Variants in ZAN observed in about 807,000 individuals in gnomAD.
The protein encoded by ZAN is zonadhesin (gene/pseudogene).
In ZAN, 260 loss-of-function variants were observed where a neutral mutation model predicts 286.2. That is an observed-to-expected ratio of 0.91 (90% CI 0.82 to 1.01). The LOEUF is 1.01. Ranked by LOEUF, ZAN falls within the 50% of genes least tolerant of loss-of-function variation. ZAN has a pLI of 0.00. For missense variants in ZAN, 3,410 were observed against 3,639.2 expected (o/e 0.94, Z 1.62); for synonymous variants, 1,368 against 1,417.5 (o/e 0.97, Z 0.79).
chr7:100,737,459 C>T, intron 6 of ZAN, 110 bp downstream of exon 6: 1 of 784,154 alleles, frequency 1.3e-6, no homozygotes, highest in South Asian at 2.0e-5. Flanking sequence ...GTAATCCCAG[C>T]ACTTTGGGAG....
chr7:100,757,017 C>T (rs1190816015), intron 15 of ZAN, among the ~76,000 whole-genome samples: 1 of 152,248 alleles, frequency 6.6e-6, no homozygotes, highest in Non-Finnish European at 1.5e-5. Context: ...ATCCGCCCGC[C>T]TCAGCCTTCC....
At chr7:100,751,091 C>T in intron 12 of ZAN, 91 bp from the exon 13 acceptor site, 1 of 1,346,496 alleles carries the variant, frequency 7.4e-7, no homozygotes, top group Non-Finnish European at 1.0e-6. Flanking sequence ...GACATTTTGG[C>T]AGAGAACAGA....
At chr7:100,762,403 C>T (rs1172582687) in intron 20 of ZAN, 45 bp downstream of exon 20, 23 of 1,524,866 alleles carry the variant, frequency 1.5e-5, no homozygotes, top group Non-Finnish European at 1.6e-5. Context: ...AGGTTCCGTC[C>T]CCTTCCTGGA....
intron 42 of ZAN, among the ~76,000 whole-genome samples, chr7:100,792,837 C>A (rs77243308): frequency 2.6e-5 from 4 of 151,646 alleles, no homozygotes; most frequent in African/African-American, 9.7e-5. Flanking sequence ...ATGGGCTGGG[C>A]GTGGTGGTTC....
At position 100,793,907 on chromosome 7, in the gene ZAN, G is replaced by A. The variant is rs372442293; in HGVS notation, c.7875G>A (p.Leu2625=). 3.1e-6 allele frequency: 5 copies of A among 1,613,848 alleles called. No homozygotes were observed. The African/African-American group carries it at 5.3e-5, about 17-fold the overall frequency. The change falls in exon 43 of 48, where the codon CTG becomes CTA. Residue 2625 remains leucine, a synonymous_variant. Transcript: ENST00000613979. The part of the protein sequence containing the change: ...ILCQPGRPRG[L]RGPLRGRLRQ... ...GCCAACCTGGCAGACCCCGGGGACT[G>A]CGAGGGCCCCTGCGTGGAAGGCTGC...
At chr7:100,787,434 A>C (rs1292518351) in intron 37 of ZAN, among the ~76,000 whole-genome samples, 2 of 152,188 alleles carry the variant, frequency 1.3e-5, no homozygotes, top group East Asian at 3.9e-4. Context: ...GAAAAAGAAA[A>C]TTAAAAAAAG....
rs1040895280 is a variant in ZAN at position 100,751,944 on chromosome 7, C to G, written c.1839C>G (p.Asn613Lys). ...EKPTIPSEKP[N>K]MPSEKPTIPS... ...CCACCATTCCTTCAGAAAAACCCAA[C>G]ATGCCCTCAGAAAAACCCACCATTC... The change falls in exon 14 of 48, where the codon AAC (asparagine) becomes AAG (lysine). Residue 613 changes from asparagine (N) to lysine (K), a missense_variant. Physicochemically the swap from Asn to Lys is moderately conservative, Grantham distance 94. Coordinates refer to ENST00000613979, the MANE Select transcript of ZAN (RefSeq NM_003386.3). The G allele has an allele frequency of 1.2e-6, 2 of 1,613,096 alleles. No homozygotes were observed. Among genetic ancestry groups the G allele is most frequent in the Non-Finnish European group, 1.7e-6 (2 of 1,179,632 alleles).
rs150416536 is a variant in ZAN, at chr7:100,767,725, G to A, written c.4861-106G>A. 1.5e-4 allele frequency: 190 copies of A among 1,283,336 alleles called. No individual in the cohort carries two copies. In the African/African-American group the frequency reaches 2.3e-3, roughly 16 times the overall value. 79.5% of individuals were successfully genotyped at this position (1,283,336 alleles called of 1,614,324 possible). The stretch of plus-strand genomic sequence containing the variant: ...AGATCCTGGGCTCAAGCGATCCTCC[G>A]CCTCGGCCTCCCAAAGTGCTGGGTT... On this transcript the variant is annotated intron_variant, in intron 25 of 47. Transcript: ENST00000613979.
At position 100,766,657 on chromosome 7, in the gene ZAN, C is replaced by T. The variant is rs1359756112; in HGVS notation, c.4603C>T (p.His1535Tyr). ...CGQQDGIYGCHAQGAATCTAS... is the reference protein window; with the variant it reads ...CGQQDGIYGCYAQGAATCTAS... The stretch of plus-strand genomic sequence containing the variant: ...CCAACAGGATGGTATCTATGGCTGC[C>T]ATGCCCAAGGTGAGCCATCAGGGTG... The change falls in exon 24 of 48, where the codon CAT becomes TAT. Residue 1535 changes from histidine (H) to tyrosine (Y), a missense_variant. Transcript: ENST00000613979. 4 of 1,568,048 alleles carry T rather than the reference C, an allele frequency of 2.6e-6. No individual in the cohort carries two copies. The highest frequency in any genetic ancestry group is 1.4e-5 in the African/African-American group (1 of 73,972).
chr7:100,773,916 C>T (rs1584607134), intron 31 of ZAN, 51 bp downstream of exon 31: 1 of 1,555,530 alleles, frequency 6.4e-7, no homozygotes, highest in Non-Finnish European at 8.7e-7. Context: ...GGCCCACTCT[C>T]CCAACTCCCC....
At position 100,767,158 on chromosome 7, in the gene ZAN, C is replaced by T. The variant is rs747744005; in HGVS notation, c.4761C>T (p.Asn1587=). The change falls in exon 25 of 48, where the codon AAC becomes AAT. Residue 1587 remains asparagine (N), a synonymous_variant. Transcript: ENST00000613979. ...QDSYFVVSAT[N]ENRGGILEVS... is the part of the protein sequence containing the mutation. ...GCTATTTTGTTGTGAGCGCCACCAA[C>T]GAGAACCGCGGGGGGATCCTGGAGG... The T allele has an allele frequency of 9.3e-6, 15 of 1,613,766 alleles. No homozygotes were observed. The highest frequency in any genetic ancestry group is 5.5e-5 in the South Asian group (5 of 91,076).
Position 100,784,833 on chromosome 7 carries a change from C to T in ZAN, c.6833C>T (p.Pro2278Leu), listed in dbSNP as rs1036502189. Residue 2278 changes from proline to leucine, a missense_variant and splice_region_variant, in exon 36 of 48, where the codon CCT becomes CTT. By Grantham distance (98) the Pro-to-Leu change is moderately conservative. Coordinates refer to ENST00000613979, the MANE Select transcript of ZAN (RefSeq NM_003386.3). ...GCKDAHGGSI[P>L]LGKSWVSSGC... is the part of the protein sequence containing the mutation. Reference sequence around the variant, plus strand: ...AAGGATGCCCATGGTGGCTCCATCCCTGTGAGTGGGCATGGGAAATGGGAC... The same window carrying T: ...AAGGATGCCCATGGTGGCTCCATCCTTGTGAGTGGGCATGGGAAATGGGAC... 4 of 1,588,476 alleles carry T rather than the reference C, an allele frequency of 2.5e-6. No homozygotes were observed. Among genetic ancestry groups the T allele is most frequent in the Non-Finnish European group, 3.4e-6 (4 of 1,164,806 alleles).
Position 100,751,282 on chromosome 7 carries a change from A to C in ZAN, c.1606+16A>C. 1 of 1,546,014 alleles carries C rather than the reference A, an allele frequency of 6.5e-7. No individual in the cohort carries two copies. Among genetic ancestry groups the C allele is most frequent in the Non-Finnish European group, 8.7e-7 (1 of 1,145,534 alleles). ...ACTTGTCCAGGTAAGACCAAAGCCCAGGCTCCAGGAAGGGGGCGGTGCCCT... is the reference window on the plus strand; with the variant it reads ...ACTTGTCCAGGTAAGACCAAAGCCCCGGCTCCAGGAAGGGGGCGGTGCCCT... On this transcript the variant is annotated intron_variant, in intron 13 of 47. Coordinates refer to ENST00000613979, the MANE Select transcript of ZAN (RefSeq NM_003386.3).
rs372868421 is a variant in ZAN, at chr7:100,762,234, T to A, written c.3862T>A (p.Cys1288Ser). The A allele has an allele frequency of 1.2e-6, 2 of 1,613,090 alleles. No homozygotes were observed. Among genetic ancestry groups the A allele is most frequent in the Non-Finnish European group, 8.5e-7 (1 of 1,179,562 alleles). Residue 1288 changes from cysteine to serine, a missense_variant, in exon 20 of 48, where the codon TGT (cysteine) becomes AGT (serine). By Grantham distance (112) the Cys-to-Ser change is moderately radical. This residue lies in a region of ZAN where 1,042 missense variants were observed against 1,058.0 expected (regional missense o/e 0.98). Coordinates refer to ENST00000613979, the MANE Select transcript of ZAN (RefSeq NM_003386.3). ...CCCTAGCACATACTCTGGCAAACTC[T>A]GTGGTTTGTGTGGGAACTATGACGG... ...TVSSTYSGKL[C>S]GLCGNYDGNS...
Position 100,766,639 on chromosome 7 carries a change from G to T in ZAN, c.4585G>T (p.Asp1529Tyr), listed in dbSNP as rs370874509. ...CRAQEFCGQQ[D>Y]GIYGCHAQGA... ...GGCCCAGGAGTTCTGTGGCCAACAG[G>T]ATGGTATCTATGGCTGCCATGCCCA... Residue 1529 changes from aspartate to tyrosine, a missense_variant, in exon 24 of 48, where the codon GAT (aspartate) becomes TAT (tyrosine). By Grantham distance (160) the Asp-to-Tyr change is radical (BLOSUM62 -3). Transcript: ENST00000613979. 78 of 1,566,336 alleles carry T rather than the reference G, an allele frequency of 5.0e-5. No individual in the cohort carries two copies. The highest frequency in any genetic ancestry group is 5.9e-5 in the Non-Finnish European group (68 of 1,155,764).
rs145755072 is a variant in ZAN, at chr7:100,785,565, G to A, written c.6835-432G>A. On this transcript the variant is annotated intron_variant, in intron 36 of 47. Transcript: ENST00000613979. The stretch of plus-strand genomic sequence containing the variant: ...GTCTTTTGGATGACCAAATGACACT[G>A]TGGCTGCCTCTGGCCAGCATCAATT... Among the ~76,000 whole-genome samples, 126 of 152,164 alleles carry A rather than the reference G, an allele frequency of 8.3e-4. 1 individual carries two copies. Among genetic ancestry groups the A allele is most frequent in the African/African-American group, 2.9e-3 (119 of 41,520 alleles).
At position 100,784,719 on chromosome 7, in the gene ZAN, T is replaced by G. The variant is rs773287830; in HGVS notation, c.6719T>G (p.Val2240Gly). The G allele has an allele frequency of 6.2e-7, 1 of 1,613,874 alleles. No homozygotes were observed. Among genetic ancestry groups the G allele is most frequent in the South Asian group, 1.1e-5 (1 of 91,068 alleles). ...GATGGCCGGTGTGAGGGCGCCAAAG[T>G]CCCCTCTGCCTGCGCTGAGGGCTGC... ...DLDGRCEGAK[V>G]PSACAEGCIC... The change falls in exon 36 of 48, where the codon GTC becomes GGC. Residue 2240 changes from valine to glycine, a missense_variant. Physicochemically the swap from Val to Gly is moderately radical, Grantham distance 109. Coordinates refer to ENST00000613979, the MANE Select transcript of ZAN (RefSeq NM_003386.3).
chr7:100,741,893 GCA>G (rs1807808343), intron 7 of ZAN, among the ~76,000 whole-genome samples: 1 of 9,598 alleles, frequency 1.0e-4, no homozygotes, highest in Non-Finnish European at 2.7e-4. Context: ...CTCCCGGATG[GCA>G]CGGCTGGCCG....
In ZAN at chr7:100,736,086, G is replaced by A. The variant is rs1807274115; in HGVS notation, c.106+314G>A. ...CATCCCAACACTTAGGGAGGCCAAG[G>A]TGGGAGGATGGCTTGAGGCCAGGAG... is the stretch of plus-strand genomic sequence containing the variant. On this transcript the variant is annotated intron_variant, in intron 3 of 47. Coordinates refer to ENST00000613979, the MANE Select transcript of ZAN (RefSeq NM_003386.3). Among the ~76,000 whole-genome samples, 2 of 142,048 alleles carry A rather than the reference G, an allele frequency of 1.4e-5. 1 individual carries two copies. Among genetic ancestry groups the A allele is most frequent in the South Asian group, 4.4e-4 (2 of 4,592 alleles). The allele number at this position is 142,048 out of a possible 152,430, so 93.2% of individuals were successfully genotyped here. A position where few individuals can be genotyped will look rare whatever the true frequency, so the allele number is the denominator to read the frequency against.
Sources: allele counts gnomAD v4.1 joint callset (sites outside exome capture counted in the v4.1 genomes callset), GRCh38; gene constraint gnomAD v4.1.1; regional missense constraint gnomAD v4.1.1; transcripts MANE v1.5; gene names NCBI Gene and HGNC (gene_info 2026-07-23, HGNC 2026-07-21).